KCND3: variants seen among roughly 807,000 people sequenced by gnomAD.
KCND3 encodes the protein potassium voltage-gated channel subfamily D member 3, also known as A-type voltage-gated potassium channel KCND3.
A neutral mutation model predicts 51.1 loss-of-function variants in KCND3; 9 were observed. That is an observed-to-expected ratio of 0.18 (90% CI 0.11 to 0.31). The LOEUF (loss-of-function observed/expected upper bound fraction) is 0.31, where lower values mean the gene tolerates loss of function less well. Among genes scored for constraint, KCND3 ranks in the 10% least tolerant of loss-of-function variants. The probability of loss-of-function intolerance (pLI) is 1.00; values close to 1 mark genes in which losing one functional copy is unlikely to be tolerated. For missense variants in KCND3, 526 were observed against 903.8 expected (o/e 0.58, Z 5.36); for synonymous variants, 349 against 368.0 (o/e 0.95, Z 0.59).
intron 2 of KCND3, among the ~76,000 whole-genome samples, chr1:111,975,978 G>T (rs1674604282): frequency 6.6e-6 from 1 of 152,084 alleles, no homozygotes; most frequent in Admixed American, 6.6e-5. Flanking sequence ...CCCTTGCTCT[G>T]CCCAGGCCCC....
intron 2 of KCND3, among the ~76,000 whole-genome samples, chr1:111,881,861 T>G (rs1316779412): frequency 6.6e-6 from 1 of 152,222 alleles, no homozygotes; most frequent in Non-Finnish European, 1.5e-5. Context: ...GCCTTATCCA[T>G]TCCCATATGT....
chr1:111,849,051 C>T (rs980677407), intron 2 of KCND3, among the ~76,000 whole-genome samples: 1 of 152,158 alleles, frequency 6.6e-6, no homozygotes, highest in Non-Finnish European at 1.5e-5. Flanking sequence ...GCTCCCTCCT[C>T]CTCGAGGCAC....
intron 2 of KCND3, among the ~76,000 whole-genome samples, chr1:111,974,971 G>A (rs548860463): frequency 3.3e-5 from 5 of 152,336 alleles, no homozygotes; most frequent in East Asian, 1.9e-4. Context: ...AAATCCTATG[G>A]TGTGAATTAA....
chr1:111,984,125 C>T (rs1157575519), intron 1 of KCND3, among the ~76,000 whole-genome samples: 1 of 152,216 alleles, frequency 6.6e-6, no homozygotes, highest in African/African-American at 2.4e-5. Context: ...TGCTGTGATT[C>T]TAAGTTTAAA....
At chr1:111,946,148 T>C (rs1672767166) in intron 2 of KCND3, among the ~76,000 whole-genome samples, 1 of 152,190 alleles carries the variant, frequency 6.6e-6, no homozygotes, top group Non-Finnish European at 1.5e-5. Context: ...TATATGTAAG[T>C]GCAACAAAGT....
chr1:111,957,847 G>A (rs1673416883), intron 2 of KCND3, among the ~76,000 whole-genome samples: 1 of 152,156 alleles, frequency 6.6e-6, no homozygotes, highest in Non-Finnish European at 1.5e-5. Flanking sequence ...GAATAGCTGA[G>A]AATATATGAC....
intron 2 of KCND3, among the ~76,000 whole-genome samples, chr1:111,926,091 T>G (rs1379445349): frequency 6.6e-6 from 1 of 152,230 alleles, no homozygotes; most frequent in Non-Finnish European, 1.5e-5. Flanking sequence ...GCAGTGAATT[T>G]TACTTAACTT....
intron 2 of KCND3, chr1:111,909,664 A>G (rs1670838459): frequency 6.6e-6 from 1 of 152,200 alleles, no homozygotes; most frequent in African/African-American, 2.4e-5. Context: ...CAGAAACAGA[A>G]AAGGAAAAGT....
At chr1:111,973,445 T>C (rs1255175329) in intron 2 of KCND3, among the ~76,000 whole-genome samples, 1 of 152,258 alleles carries the variant, frequency 6.6e-6, no homozygotes, top group Admixed American at 6.5e-5. Flanking sequence ...AACAAAGTTC[T>C]ACTGGGACTG....
In KCND3 at chr1:111,875,994, C is replaced by T. The variant is rs924970128; in HGVS notation, c.1107-88888G>A. 2.6e-5 allele frequency among the ~76,000 whole-genome samples: 4 copies of T among 152,232 alleles called. No individual in the cohort carries two copies. The East Asian group carries it at 7.7e-4, about 29-fold the overall frequency. ...TGTGCTTGTCTGCTGTTTTCCTTCT[C>T]TGGTCAGAGTGTAGGTACCGGAGAG... On this transcript the variant is annotated intron_variant, in intron 2 of 7. Transcript: ENST00000302127.
intron 2 of KCND3, among the ~76,000 whole-genome samples, chr1:111,859,255 G>C (rs1423022918): frequency 6.6e-6 from 1 of 152,010 alleles, no homozygotes; most frequent in Non-Finnish European, 1.5e-5. Context: ...CCCTTTTGAA[G>C]TTCTTCTTCT....
intron 2 of KCND3, among the ~76,000 whole-genome samples, chr1:111,809,086 G>C (rs750771380): frequency 2.6e-5 from 4 of 152,238 alleles, no homozygotes; most frequent in Non-Finnish European, 2.9e-5. Flanking sequence ...AGAAAGAAGA[G>C]AGAAGCTTTG....
At chr1:111,954,765 C>T (rs996285938) in intron 2 of KCND3, among the ~76,000 whole-genome samples, 1 of 152,234 alleles carries the variant, frequency 6.6e-6, no homozygotes, top group African/African-American at 2.4e-5. Context: ...AGCCTTCATT[C>T]AGAATTCCGT....
At chr1:111,840,448 T>C (rs955817840) in intron 2 of KCND3, among the ~76,000 whole-genome samples, 22 of 152,096 alleles carry the variant, frequency 1.4e-4, no homozygotes, top group African/African-American at 4.8e-4. Flanking sequence ...ACATTAAGTC[T>C]CCAACCCCCT....
intron 2 of KCND3, among the ~76,000 whole-genome samples, chr1:111,892,612 G>A (rs1374829063): frequency 6.6e-6 from 1 of 152,196 alleles, no homozygotes; most frequent in African/African-American, 2.4e-5. Flanking sequence ...TATGAGGGAA[G>A]GTTATGCAAT....
intron 2 of KCND3, among the ~76,000 whole-genome samples, chr1:111,968,172 G>C (rs576111059): frequency 6.6e-6 from 1 of 152,288 alleles, no homozygotes; most frequent in Admixed American, 6.5e-5. Context: ...CAGCTGGGCT[G>C]CAGAATTTTT....
chr1:111,851,642 C>T (rs908527416), intron 2 of KCND3, among the ~76,000 whole-genome samples: 1 of 152,182 alleles, frequency 6.6e-6, no homozygotes, highest in African/African-American at 2.4e-5. Context: ...CATTTGTTTA[C>T]TTATCTGTCT....
intron 2 of KCND3, among the ~76,000 whole-genome samples, chr1:111,907,585 C>T (rs912049202): frequency 1.3e-5 from 2 of 152,290 alleles, no homozygotes; most frequent in East Asian, 3.9e-4. Context: ...CCAGAGGCAC[C>T]CAACTAAGCC....
At chr1:111,968,077 A>G (rs1674104506) in intron 2 of KCND3, among the ~76,000 whole-genome samples, 1 of 152,194 alleles carries the variant, frequency 6.6e-6, no homozygotes, top group Non-Finnish European at 1.5e-5. Context: ...AGAAAGACAC[A>G]CACAATGCGT....
Sources: gnomAD v4.1 joint callset for allele counts (sites outside exome capture counted in the v4.1 genomes callset) on GRCh38, gnomAD v4.1.1 for gene constraint, MANE v1.5 for transcripts, NCBI Gene and HGNC (gene_info 2026-07-23, HGNC 2026-07-21) for gene names.